SLC44A5: variants seen among roughly 807,000 people sequenced by gnomAD.
The protein encoded by SLC44A5 is solute carrier family 44 member 5, also known as choline transporter-like protein 5.
Under a neutral mutation model 101.8 loss-of-function variants are expected in SLC44A5, and 57 were observed. The ratio of observed to expected loss-of-function variants is 0.56; its 90% CI spans 0.45 to 0.70. The LOEUF (loss-of-function observed/expected upper bound fraction) is 0.70. Ranked by LOEUF, SLC44A5 falls within the 30% of genes least tolerant of loss-of-function variation. The pLI is 0.00. For missense variants in SLC44A5, 737 were observed against 853.1 expected (o/e 0.86, Z 1.70); for synonymous variants, 281 against 290.9 (o/e 0.97, Z 0.35).
chr1:75,563,969 T>TTA (rs1672653599), intron 1 of SLC44A5, among the ~76,000 whole-genome samples: 2 of 152,194 alleles, frequency 1.3e-5, no homozygotes, highest in Admixed American at 1.3e-4. Context: ...TGTTGAAATT[T>TTA]AAAATCTGTA....
chr1:75,660,785 A>G, the SLC44A5 span, among the ~76,000 whole-genome samples: 1 of 152,188 alleles, frequency 6.6e-6, no homozygotes, highest in Non-Finnish European at 1.5e-5. Context: ...AATGAAAACT[A>G]TAAAACACTG....
At position 75,377,032 on chromosome 1, in the gene SLC44A5, A is replaced by G. The variant is rs571676706; in HGVS notation, c.52+19551T>C. ...GGCTCGAGAACTACGTGAAGAATGA[A>G]GAAGCCTCAGGAGTCGATGCTATCA... is the stretch of plus-strand genomic sequence containing the variant. On this transcript the variant is annotated intron_variant, in intron 3 of 23. Coordinates refer to ENST00000370859, the MANE Select transcript of SLC44A5 (RefSeq NM_001130058.2). Among the ~76,000 whole-genome samples, 236 of 152,362 alleles carry G rather than the reference A, an allele frequency of 1.5e-3. 2 individuals are homozygous for G. The highest frequency in any genetic ancestry group is 5.4e-3 in the African/African-American group (224 of 41,586).
chr1:75,452,336 A>G (rs976139229), intron 2 of SLC44A5, among the ~76,000 whole-genome samples: 2 of 152,172 alleles, frequency 1.3e-5, no homozygotes, highest in Non-Finnish European at 2.9e-5. Context: ...AATCTTTTCC[A>G]GACAAGCAAG....
At chr1:75,638,759 T>C in the SLC44A5 span, among the ~76,000 whole-genome samples, 6 of 152,128 alleles carry the variant, frequency 3.9e-5, no homozygotes, top group Non-Finnish European at 7.4e-5. Context: ...TGACTATACA[T>C]AGCTTTCCAC....
intron 1 of SLC44A5, among the ~76,000 whole-genome samples, chr1:75,605,632 G>A (rs539263966): frequency 1.6e-4 from 25 of 152,154 alleles, no homozygotes; most frequent in African/African-American, 5.5e-4. Context: ...TGACTTTAAT[G>A]TTCCTCTGTC....
intron 1 of SLC44A5, among the ~76,000 whole-genome samples, chr1:75,549,190 T>C (rs544789985): frequency 9.2e-5 from 14 of 152,284 alleles, no homozygotes; most frequent in African/African-American, 3.4e-4. Context: ...GAATACAGTT[T>C]GGGTAACTAG....
At chr1:75,661,387 T>A in the SLC44A5 span, among the ~76,000 whole-genome samples, 79 of 53,592 alleles carry the variant, frequency 1.5e-3, no homozygotes, top group African/African-American at 3.0e-3. Flanking sequence ...CTACTGCAAG[T>A]AAAAAAAAAA....
chr1:75,376,108 C>A (rs947771114), intron 3 of SLC44A5, among the ~76,000 whole-genome samples: 1 of 152,210 alleles, frequency 6.6e-6, no homozygotes, highest in East Asian at 1.9e-4. Context: ...CACTCCCACC[C>A]AAATACTGCG....
chr1:75,205,248 T>C (rs1646730573), intron 23 of SLC44A5: 1 of 152,232 alleles, frequency 6.6e-6, no homozygotes, highest in Non-Finnish European at 1.5e-5. Context: ...TTTAGATCAA[T>C]CTATAACACA....
chr1:75,386,676 C>G (rs541303378), intron 3 of SLC44A5, among the ~76,000 whole-genome samples: 1 of 152,158 alleles, frequency 6.6e-6, no homozygotes, highest in African/African-American at 2.4e-5. Context: ...ATCAAGCTAC[C>G]AATGACTTTC....
At chr1:75,309,092 C>T (rs1051727311) in intron 4 of SLC44A5, among the ~76,000 whole-genome samples, 10 of 152,056 alleles carry the variant, frequency 6.6e-5, no homozygotes, top group Non-Finnish European at 1.3e-4. Flanking sequence ...GAAAACACTG[C>T]ACTGTTTATA....
chr1:75,490,864 T>C (rs1668388546), intron 2 of SLC44A5, among the ~76,000 whole-genome samples: 1 of 152,184 alleles, frequency 6.6e-6, no homozygotes, highest in South Asian at 2.1e-4. Context: ...AGAATTGATA[T>C]TCCTAATTTA....
In SLC44A5 at chr1:75,549,912, T is replaced by C. The variant is rs370007446; in HGVS notation, c.-69-8396A>G. ...CAGAGATCAGTATGGCTGGAATATATTGAGGGAAGAGGAAAGCTGATTAAA... is the reference window on the plus strand; with the variant it reads ...CAGAGATCAGTATGGCTGGAATATACTGAGGGAAGAGGAAAGCTGATTAAA... On this transcript the variant is annotated intron_variant, in intron 1 of 23. Coordinates refer to ENST00000370859, the MANE Select transcript of SLC44A5 (RefSeq NM_001130058.2). 1.9e-4 allele frequency among the ~76,000 whole-genome samples: 29 copies of C among 152,126 alleles called. No individual in the cohort carries two copies. The East Asian group carries it at 3.5e-3, about 18-fold the overall frequency.
At chr1:75,571,696 T>A (rs2102038687) in intron 1 of SLC44A5, among the ~76,000 whole-genome samples, 1 of 152,322 alleles carries the variant, frequency 6.6e-6, no homozygotes, top group Admixed American at 6.5e-5. Flanking sequence ...GTAGGTTAGG[T>A]GTATTAAATG....
At chr1:75,319,500 T>C (rs1051059210) in intron 4 of SLC44A5, among the ~76,000 whole-genome samples, 3 of 152,220 alleles carry the variant, frequency 2.0e-5, no homozygotes, top group Non-Finnish European at 4.4e-5. Flanking sequence ...GTTTTTATTA[T>C]AGATATATTT....
At chr1:75,442,623 T>C (rs1473078762) in intron 2 of SLC44A5, among the ~76,000 whole-genome samples, 2 of 152,130 alleles carry the variant, frequency 1.3e-5, no homozygotes, top group Non-Finnish European at 2.9e-5. Flanking sequence ...TTCCTCTTAG[T>C]AATTTTCTTT....
At chr1:75,334,299 A>C (rs533821091) in intron 4 of SLC44A5, among the ~76,000 whole-genome samples, 1 of 152,322 alleles carries the variant, frequency 6.6e-6, no homozygotes, top group South Asian at 2.1e-4. Flanking sequence ...GCATAAATAA[A>C]CTATCATCTT....
the SLC44A5 span, among the ~76,000 whole-genome samples, chr1:75,627,138 T>C: frequency 6.6e-6 from 1 of 152,216 alleles, no homozygotes; most frequent in Admixed American, 6.5e-5. Context: ...CTTTGTGTAT[T>C]ACCGTAACAT....
At chr1:75,675,359 T>A in the SLC44A5 span, among the ~76,000 whole-genome samples, 1 of 152,206 alleles carries the variant, frequency 6.6e-6, no homozygotes, top group Non-Finnish European at 1.5e-5. Flanking sequence ...AGGTGTTTTA[T>A]TCTCTTTGTA....
Sources: allele counts gnomAD v4.1 joint callset (sites outside exome capture counted in the v4.1 genomes callset), GRCh38; gene constraint gnomAD v4.1.1; transcripts MANE v1.5; gene names NCBI Gene and HGNC (gene_info 2026-07-23, HGNC 2026-07-21).